Variants in CNKSR3 observed in about 807,000 individuals in gnomAD.
CNKSR3 encodes the protein connector enhancer of kinase suppressor of ras 3.
Under a neutral mutation model 67.7 loss-of-function variants are expected in CNKSR3, and 36 were observed. The observed-to-expected ratio is 0.53, with a 90% CI of 0.41 to 0.70. The LOEUF is 0.70. CNKSR3 is among the 30% of genes least tolerant of loss of function. CNKSR3 has a pLI of 0.00. For missense variants in CNKSR3, 630 were observed against 695.2 expected, an observed-to-expected ratio of 0.91 and a Z score of 1.05; for synonymous variants, 281 against 271.4, an observed-to-expected ratio of 1.04 and a Z score of -0.35.
intron 10 of CNKSR3, among the ~76,000 whole-genome samples, chr6:154,411,355 A>C (rs1413453917): frequency 6.6e-6 from 1 of 152,200 alleles, no homozygotes; most frequent in Non-Finnish European, 1.5e-5. Context: ...ATGAAATAAG[A>C]ATAAATGCAG....
intron 3 of CNKSR3, 138 bp from the exon 4 acceptor site, chr6:154,441,517 T>A: frequency 1.6e-6 from 1 of 641,140 alleles, no homozygotes; most frequent in Non-Finnish European, 2.7e-6. Context: ...TGTGTCTCAC[T>A]CTGTCGCCCA....
At position 154,442,094 on chromosome 6, in the gene CNKSR3, A is replaced by T; in HGVS notation, c.413T>A (p.Leu138Gln). The T allele has an allele frequency of 6.2e-7, 1 of 1,605,798 alleles. No individual in the cohort carries two copies. Among genetic ancestry groups the T allele is most frequent in the Non-Finnish European group, 8.5e-7 (1 of 1,173,572 alleles). The change falls in exon 3 of 13, where the codon CTG becomes CAG. Residue 138 changes from leucine to glutamine, a missense_variant. Leu to Gln is a moderately radical substitution (Grantham distance 113). This residue lies in a region of CNKSR3 where 189 missense variants were observed against 205.0 expected (regional missense o/e 0.92). Transcript: ENST00000607772. The stretch of plus-strand genomic sequence containing the variant: ...AGGCACATCTCCAACTTACCGGTCC[A>T]GCCACGCCAGCAGGGCCTTGGCGGC... The part of the protein sequence containing the change: ...IGAAKALLAW[L>Q]DRAPFTGITD...
chr6:154,424,268 A>G (rs892506544), intron 7 of CNKSR3, among the ~76,000 whole-genome samples: 1 of 151,990 alleles, frequency 6.6e-6, no homozygotes, highest in African/African-American at 2.4e-5. Flanking sequence ...AAAGAAATAT[A>G]AAGGGATATA....
At chr6:154,459,349 C>A (rs982965711) in intron 1 of CNKSR3, among the ~76,000 whole-genome samples, 1 of 151,998 alleles carries the variant, frequency 6.6e-6, no homozygotes, top group Non-Finnish European at 1.5e-5. Flanking sequence ...GCCCAACTTA[C>A]AACCAGCAAA....
chr6:154,495,922 C>T (rs1178874872), intron 1 of CNKSR3, among the ~76,000 whole-genome samples: 7 of 152,086 alleles, frequency 4.6e-5, no homozygotes, highest in Non-Finnish European at 7.4e-5. Context: ...CCCATTGCCA[C>T]GGCTCTGTCA....
At position 154,433,661 on chromosome 6, in the gene CNKSR3, G is replaced by A. The variant is rs547590156; in HGVS notation, c.508-154C>T. On this transcript the variant is annotated intron_variant, in intron 4 of 12. Transcript: ENST00000607772. The stretch of plus-strand genomic sequence containing the variant: ...TCCTGCAGGACTGGGATGGGAATGA[G>A]AGGGCAGAGTGGGAACAGAGCTGAC... 6.9e-5 allele frequency: 43 copies of A among 623,290 alleles called. No individual in the cohort carries two copies. The African/African-American group carries it at 7.4e-4, about 11-fold the overall frequency. The allele number at this position is 623,290 out of a possible 1,614,324, so 38.6% of individuals were successfully genotyped here.
Position 154,392,585 on chromosome 6 carries a change from G to A in CNKSR3, c.*13769C>T, listed in dbSNP as rs1476744942. 1 of 152,264 alleles carries A rather than the reference G, an allele frequency of 6.6e-6. No individual in the cohort carries two copies. The highest frequency in any genetic ancestry group is 2.4e-5 in the African/African-American group (1 of 41,466). 9.4% of individuals were successfully genotyped at this position (152,264 alleles called of 1,614,324 possible). On this transcript the variant is annotated 3_prime_UTR_variant, in exon 13 of 13. Transcript: ENST00000607772. ...CAAAAGAGGGTCCCGAAACCTTGTG[G>A]GGATTGTAAGCTCTATGATGAAGGA...
chr6:154,409,783 C>A (rs1306125369), intron 12 of CNKSR3, among the ~76,000 whole-genome samples: 2 of 151,700 alleles, frequency 1.3e-5, no homozygotes, highest in Non-Finnish European at 2.9e-5. Flanking sequence ...GTGGCACATC[C>A]CCGTAATTCC....
At chr6:154,418,223 A>C (rs12528745) in intron 9 of CNKSR3, among the ~76,000 whole-genome samples, 63,770 of 152,054 alleles carry the variant, frequency 0.42, 14,235 homozygotes, top group African/African-American at 0.54. Flanking sequence ...TTCGTCCTGC[A>C]TAGTAGGTCA....
Position 154,402,318 on chromosome 6 carries a change from A to G in CNKSR3, c.*4036T>C, listed in dbSNP as rs1034808627. 9.8e-5 allele frequency: 15 copies of G among 152,356 alleles called. No homozygotes were observed. Among genetic ancestry groups the G allele is most frequent in the Admixed American group, 9.8e-4 (15 of 15,306 alleles). 9.4% of individuals were successfully genotyped at this position (152,356 alleles called of 1,614,324 possible). A position where few individuals can be genotyped will look rare whatever the true frequency, so the allele number is the denominator to read the frequency against. ...AACACAACTTTCAATTGCCCCGCCCAATATTCATATAGATGGGAACTCAGT... is the reference window on the plus strand; with the variant it reads ...AACACAACTTTCAATTGCCCCGCCCGATATTCATATAGATGGGAACTCAGT... On this transcript the variant is annotated 3_prime_UTR_variant, in exon 13 of 13. Transcript: ENST00000607772.
intron 3 of CNKSR3, 83 bp downstream of exon 3, chr6:154,442,005 T>C: frequency 7.7e-7 from 1 of 1,303,368 alleles, no homozygotes. Flanking sequence ...AATGGTTCCT[T>C]TTCCTAAGAC....
intron 2 of CNKSR3, among the ~76,000 whole-genome samples, 169 bp from the exon 3 acceptor site, chr6:154,442,459 A>G (rs987406533): frequency 2.4e-4 from 36 of 152,238 alleles, no homozygotes; most frequent in Non-Finnish European, 4.4e-4. Flanking sequence ...CGTCTCTACT[A>G]AAAACACAAA....
At position 154,470,183 on chromosome 6, in the gene CNKSR3, CTTTCCTT is replaced by C. The variant is rs1562347513; in HGVS notation, c.53-19932_53-19926del. Among the ~76,000 whole-genome samples the C allele has an allele frequency of 9.2e-4, 100 of 108,274 alleles. 2 individuals carry two copies. The highest frequency in any genetic ancestry group is 1.7e-3 in the South Asian group (5 of 2,902). The allele number at this position is 108,274 out of a possible 152,430, so 71.0% of individuals were successfully genotyped here. On this transcript the variant is annotated intron_variant, in intron 1 of 12. Transcript: ENST00000607772. Reference sequence around the variant, plus strand: ...ACTCCTGTAATAAAGAACCTACTTTCTTTCCTTTTTTTTTTTTTTTTTTTTTTTTTTT... The same window carrying C: ...ACTCCTGTAATAAAGAACCTACTTTCTTTTTTTTTTTTTTTTTTTTTTTTT...
At chr6:154,414,922 C>T (rs1784986296) in intron 9 of CNKSR3, among the ~76,000 whole-genome samples, 1 of 151,566 alleles carries the variant, frequency 6.6e-6, no homozygotes, top group Admixed American at 6.6e-5. Flanking sequence ...ATGGCGATAC[C>T]CAGTCCCTAC....
At chr6:154,476,801 A>G (rs1298379932) in intron 1 of CNKSR3, among the ~76,000 whole-genome samples, 1 of 152,246 alleles carries the variant, frequency 6.6e-6, no homozygotes, top group African/African-American at 2.4e-5. Context: ...TGTAAGCCCA[A>G]AAAGTTAAAA....
intron 5 of CNKSR3, among the ~76,000 whole-genome samples, chr6:154,432,350 G>C (rs1451123966): frequency 6.6e-6 from 1 of 151,900 alleles, no homozygotes; most frequent in African/African-American, 2.4e-5. Flanking sequence ...TTTTTAATTG[G>C]GTTGTTTGTC....
chr6:154,408,494 T>C (rs779211001), intron 12 of CNKSR3, among the ~76,000 whole-genome samples: 1 of 152,220 alleles, frequency 6.6e-6, no homozygotes, highest in Non-Finnish European at 1.5e-5. Flanking sequence ...TTTGCTTTTG[T>C]AATGAAAGGG....
Position 154,392,628 on chromosome 6 carries a change from T to C in CNKSR3, c.*13726A>G, listed in dbSNP as rs577489971. 6.6e-6 allele frequency: 1 copy of C among 152,382 alleles called. No individual in the cohort carries two copies. The highest frequency in any genetic ancestry group is 1.9e-4 in the East Asian group (1 of 5,192). The allele number at this position is 152,382 out of a possible 1,614,324, so 9.4% of individuals were successfully genotyped here. On this transcript the variant is annotated 3_prime_UTR_variant, in exon 13 of 13. Transcript: ENST00000607772. ...ATGAAGGAGGCACCAGCCTCTCTAT[T>C]GGCATCATCAGAGGTTGTGTTTGCA... is the stretch of plus-strand genomic sequence containing the variant.
At chr6:154,508,151 G>C (rs377743131) in intron 1 of CNKSR3, among the ~76,000 whole-genome samples, 64 of 152,284 alleles carry the variant, frequency 4.2e-4, no homozygotes, top group East Asian at 2.7e-3. Flanking sequence ...GAAATATAAT[G>C]GAAGCCACAA....
Sources: allele counts gnomAD v4.1 joint callset (sites outside exome capture counted in the v4.1 genomes callset), GRCh38; gene constraint gnomAD v4.1.1; regional missense constraint gnomAD v4.1.1; transcripts MANE v1.5; gene names NCBI Gene and HGNC (gene_info 2026-07-23, HGNC 2026-07-21).